The following IMPG1 variants were observed in gnomAD, a reference collection of about 807,000 sequenced individuals.
IMPG1 encodes the protein interphotoreceptor matrix proteoglycan of 150 kDa.
A neutral mutation model predicts 92.0 loss-of-function variants in IMPG1; 85 were observed. That is an observed-to-expected ratio of 0.92 (90% CI 0.78 to 1.11). IMPG1 has a LOEUF of 1.11. Ranked by LOEUF, IMPG1 falls within the 50% of genes least tolerant of loss-of-function variation. The pLI is 0.00. For synonymous variants in IMPG1, 367 were observed against 334.1 expected (o/e 1.10, Z -1.08); for missense variants, 1,022 against 956.0 (o/e 1.07, Z -0.91).
intron 4 of IMPG1, among the ~76,000 whole-genome samples, chr6:76,028,260 CT>C (rs1372110123): frequency 2.0e-5 from 3 of 152,130 alleles, no homozygotes; most frequent in Non-Finnish European, 2.9e-5. Flanking sequence ...TGTTTTCATC[CT>C]TTTCAAAAGA....
At chr6:76,027,774 G>T (rs1260049196) in intron 4 of IMPG1, among the ~76,000 whole-genome samples, 1 of 152,124 alleles carries the variant, frequency 6.6e-6, no homozygotes, top group East Asian at 1.9e-4. Flanking sequence ...TTTGTAAAGG[G>T]TTATAAAAGG....
intron 13 of IMPG1, among the ~76,000 whole-genome samples, chr6:75,949,272 A>T (rs1267630709): frequency 6.6e-6 from 1 of 152,130 alleles, no homozygotes; most frequent in Non-Finnish European, 1.5e-5. Context: ...GGTCATAAAG[A>T]CCTTACTGAT....
chr6:76,018,226 C>G (rs1175239230), intron 7 of IMPG1, among the ~76,000 whole-genome samples: 1 of 152,004 alleles, frequency 6.6e-6, no homozygotes, highest in Non-Finnish European at 1.5e-5. Flanking sequence ...AAATTAGGCA[C>G]AGCAAAGGAT....
chr6:76,009,373 T>G (rs1325550759), intron 8 of IMPG1, among the ~76,000 whole-genome samples: 1 of 152,236 alleles, frequency 6.6e-6, no homozygotes, highest in African/African-American at 2.4e-5. Flanking sequence ...ACTTGTTAAA[T>G]TGTAAATCAA....
chr6:75,997,588 T>C (rs1782924063), intron 12 of IMPG1, among the ~76,000 whole-genome samples: 1 of 152,192 alleles, frequency 6.6e-6, no homozygotes, highest in African/African-American at 2.4e-5. Flanking sequence ...ATAAGGGACA[T>C]TGCCTTACAC....
chr6:75,973,246 T>TTACAGGCATGAGCCACTGTGC (rs1782451800), intron 12 of IMPG1, among the ~76,000 whole-genome samples: 1 of 151,792 alleles, frequency 6.6e-6, no homozygotes, highest in Non-Finnish European at 1.5e-5. Context: ...TCCCAAAGTG[T>TTACAGGCATGAGCCACTGTGC]CCGGATTACA....
intron 4 of IMPG1, among the ~76,000 whole-genome samples, chr6:76,028,823 A>C (rs1783601165): frequency 6.6e-6 from 1 of 151,250 alleles, no homozygotes. Context: ...CGTCTCAAGA[A>C]AAAAAAAAAG....
chr6:76,063,633 C>T (rs569041414), intron 1 of IMPG1, among the ~76,000 whole-genome samples: 14 of 152,274 alleles, frequency 9.2e-5, no homozygotes, highest in Middle Eastern at 3.4e-3. Context: ...GTGGCAGGCA[C>T]GATTCTTGGG....
At chr6:75,939,154 A>G (rs1781797905) in intron 14 of IMPG1, among the ~76,000 whole-genome samples, 1 of 152,130 alleles carries the variant, frequency 6.6e-6, no homozygotes, top group Non-Finnish European at 1.5e-5. Flanking sequence ...TAAACTTAAG[A>G]CAAACTTCTT....
intron 1 of IMPG1, among the ~76,000 whole-genome samples, chr6:76,049,035 C>A (rs1266207988): frequency 6.6e-6 from 1 of 152,156 alleles, no homozygotes; most frequent in Non-Finnish European, 1.5e-5. Flanking sequence ...GGAATGAATT[C>A]ATGTCCTTTG....
At chr6:76,021,543 A>T (rs1169919922) in intron 6 of IMPG1, among the ~76,000 whole-genome samples, 1 of 151,886 alleles carries the variant, frequency 6.6e-6, no homozygotes, top group Non-Finnish European at 1.5e-5. Flanking sequence ...CTCATCCCAC[A>T]TACCTTCACA....
chr6:75,924,689 TATAAATA>T (rs1291519625), intron 15 of IMPG1, among the ~76,000 whole-genome samples: 19 of 150 alleles, frequency 0.13, 1 homozygote, highest in Admixed American at 0.5. Context: ...ATATATTATA[TATAAATA>T]ATTATATATA....
At chr6:76,041,865 G>A in intron 2 of IMPG1, 28 bp downstream of exon 2, 1 of 1,437,858 alleles carries the variant, frequency 7.0e-7, no homozygotes, top group East Asian at 2.3e-5. Flanking sequence ...AATAACACAA[G>A]GCTAAACGGT....
chr6:75,937,727 C>G (rs1027707789), intron 14 of IMPG1, among the ~76,000 whole-genome samples: 1 of 152,132 alleles, frequency 6.6e-6, no homozygotes, highest in Admixed American at 6.5e-5. Flanking sequence ...GAAGGTCTTA[C>G]AAATTATGCC....
At position 75,931,426 on chromosome 6, in the gene IMPG1, C is replaced by A. The variant is rs77005430; in HGVS notation, c.2045-275G>T. On this transcript the variant is annotated intron_variant, in intron 14 of 16. Transcript: ENST00000369950. ...CTGGAGGCCTTGTTAAAACAGATTC[C>A]TGAGCCCCACACTCAGAGTTCCTGT... 8.2e-3 allele frequency among the ~76,000 whole-genome samples: 1,253 copies of A among 152,302 alleles called. 18 individuals carry two copies. The highest frequency in any genetic ancestry group is 0.028 in the African/African-American group (1,157 of 41,562).
chr6:76,025,368 A>T (rs927007474), intron 4 of IMPG1, 110 bp from the exon 5 acceptor site: 1 of 515,366 alleles, frequency 1.9e-6, no homozygotes, highest in African/African-American at 2.0e-5. Flanking sequence ...TTATAGGAAA[A>T]GCATACTTTA....
intron 4 of IMPG1, among the ~76,000 whole-genome samples, chr6:76,027,854 T>G (rs73466897): frequency 0.022 from 3,315 of 152,334 alleles, 121 homozygotes; most frequent in African/African-American, 0.075. Context: ...TCTGGAATTA[T>G]GTTTCATAAT....
intron 12 of IMPG1, among the ~76,000 whole-genome samples, chr6:75,975,701 T>C (rs1782521484): frequency 6.6e-6 from 1 of 152,194 alleles, no homozygotes; most frequent in African/African-American, 2.4e-5. Flanking sequence ...CAAATTTGTA[T>C]CACCATTCCT....
chr6:75,968,339 T>C (rs1389881097), intron 12 of IMPG1, among the ~76,000 whole-genome samples: 1 of 152,222 alleles, frequency 6.6e-6, no homozygotes, highest in African/African-American at 2.4e-5. Flanking sequence ...AGAAAATACT[T>C]ATCTGCAATT....
Sources: gnomAD v4.1 joint callset for allele counts (sites outside exome capture counted in the v4.1 genomes callset) on GRCh38, gnomAD v4.1.1 for gene constraint, MANE v1.5 for transcripts, NCBI Gene and HGNC (gene_info 2026-07-23, HGNC 2026-07-21) for gene names.